The following PCDH17 variants were observed in gnomAD, a reference collection of about 807,000 sequenced individuals.
PCDH17 encodes protocadherin 17, also known as protocadherin-17.
In PCDH17, 21 loss-of-function variants were observed where a neutral mutation model predicts 67.7. The observed-to-expected ratio is 0.31, with a 90% CI of 0.22 to 0.45. The LOEUF (loss-of-function observed/expected upper bound fraction) is 0.45. PCDH17 is among the 20% of genes least tolerant of loss of function. The pLI is 1.00. For missense variants in PCDH17, 1,471 were observed against 1,564.8 expected, an observed-to-expected ratio of 0.94 and a Z score of 1.01; for synonymous variants, 701 against 656.7, an observed-to-expected ratio of 1.07 and a Z score of -1.03.
chr13:57,693,215 T>C (rs1265626991), intron 3 of PCDH17, among the ~76,000 whole-genome samples: 1 of 14 alleles, frequency 0.071, no homozygotes, highest in African/African-American at 0.25. Flanking sequence ...GACCAACATC[T>C]TTTTTTTTTC....
intron 3 of PCDH17, among the ~76,000 whole-genome samples, chr13:57,695,205 G>A (rs1294798188): frequency 6.6e-6 from 1 of 151,106 alleles, no homozygotes; most frequent in African/African-American, 2.4e-5. Flanking sequence ...TCTATTTATT[G>A]TAGTGTATCT....
At chr13:57,635,178 TG>T in intron 1 of PCDH17, 67 bp downstream of exon 1, 1 of 1,527,044 alleles carries the variant, frequency 6.5e-7, no homozygotes, top group Non-Finnish European at 8.9e-7. Flanking sequence ...CTGAAACCTT[TG>T]GAACAGGGCA....
intron 1 of PCDH17, among the ~76,000 whole-genome samples, chr13:57,635,983 C>T (rs1312112823): frequency 6.6e-6 from 1 of 152,104 alleles, no homozygotes; most frequent in Non-Finnish European, 1.5e-5. Flanking sequence ...AAAATGAATT[C>T]ATGATGCATT....
At chr13:57,678,583 A>G (rs899935665) in intron 3 of PCDH17, among the ~76,000 whole-genome samples, 3 of 151,636 alleles carry the variant, frequency 2.0e-5, no homozygotes, top group South Asian at 2.1e-4. Context: ...AATCTTTTCT[A>G]TAAAGTGCAG....
At chr13:57,651,084 G>T (rs1325826320) in intron 1 of PCDH17, among the ~76,000 whole-genome samples, 1 of 152,104 alleles carries the variant, frequency 6.6e-6, no homozygotes, top group Admixed American at 6.6e-5. Context: ...AAAAAGGATT[G>T]TGAACCTATA....
At chr13:57,658,702 A>G (rs1360701126) in intron 1 of PCDH17, among the ~76,000 whole-genome samples, 1 of 152,172 alleles carries the variant, frequency 6.6e-6, no homozygotes, top group East Asian at 1.9e-4. Flanking sequence ...AAAGGTCTCC[A>G]GTTTGGTAAA....
intron 3 of PCDH17, among the ~76,000 whole-genome samples, chr13:57,684,773 T>C (rs903430971): frequency 1.3e-5 from 2 of 152,000 alleles, no homozygotes; most frequent in Non-Finnish European, 2.9e-5. Context: ...GTTTTAGAAC[T>C]ATGGTGTTAT....
intron 3 of PCDH17, among the ~76,000 whole-genome samples, chr13:57,705,960 A>C (rs1259821077): frequency 6.6e-6 from 1 of 151,864 alleles, no homozygotes; most frequent in Non-Finnish European, 1.5e-5. Context: ...GGTTGCGGTG[A>C]GCCAAGATTG....
intron 1 of PCDH17, among the ~76,000 whole-genome samples, chr13:57,652,749 A>G (rs537402792): frequency 1.8e-4 from 27 of 152,332 alleles, no homozygotes; most frequent in Admixed American, 1.1e-3. Context: ...ACAGCCAGCT[A>G]GGAATACAGA....
At chr13:57,685,874 G>GCTCA (rs1955501271) in intron 3 of PCDH17, among the ~76,000 whole-genome samples, 1 of 151,806 alleles carries the variant, frequency 6.6e-6, no homozygotes, top group South Asian at 2.1e-4. Context: ...TCTCCTGAAG[G>GCTCA]CAGGAGTTCA....
rs146044128 is a variant in PCDH17 at position 57,679,879 on chromosome 13, G to T, written c.2797+13046G>T. On this transcript the variant is annotated intron_variant, in intron 3 of 3. Coordinates refer to ENST00000377918, the MANE Select transcript of PCDH17 (RefSeq NM_001040429.3). ...CTCTGTTAGAAAACAATAGACAATA[G>T]ATTACATCTTAAGTAAATATAAATC... 3.1e-4 allele frequency among the ~76,000 whole-genome samples: 47 copies of T among 151,454 alleles called. No homozygotes were observed. In the East Asian group the frequency reaches 9.0e-3, roughly 29 times the overall value.
At position 57,724,932 on chromosome 13, in the gene PCDH17, A is replaced by G; in HGVS notation, c.3118A>G (p.Thr1040Ala). 3 of 1,614,180 alleles carry G rather than the reference A, an allele frequency of 1.9e-6. No homozygotes were observed. The highest frequency in any genetic ancestry group is 2.5e-6 in the Non-Finnish European group (3 of 1,180,028). ...GGTCCCCTCAGCATCAAGCAGCCCA[A>G]CCAAGGCGTGCATCGAGCCTTGCAC... ...QEVPSASSSP[T>A]KACIEPCTST... is the part of the protein sequence containing the mutation. Residue 1040 changes from threonine to alanine, a missense_variant, in exon 4 of 4, where the codon ACC becomes GCC. Transcript: ENST00000377918.
intron 3 of PCDH17, among the ~76,000 whole-genome samples, chr13:57,696,375 C>T (rs1026876165): frequency 4.6e-5 from 7 of 150,948 alleles, no homozygotes; most frequent in Admixed American, 1.3e-4. Context: ...GTTTTAATTT[C>T]GTGTAAATTA....
At chr13:57,668,849 A>G (rs914783050) in intron 3 of PCDH17, among the ~76,000 whole-genome samples, 5 of 151,972 alleles carry the variant, frequency 3.3e-5, no homozygotes, top group Admixed American at 2.6e-4. Context: ...ATATATATAT[A>G]TTTTTATTAT....
At chr13:57,683,790 G>A (rs927519169) in intron 3 of PCDH17, among the ~76,000 whole-genome samples, 1 of 151,882 alleles carries the variant, frequency 6.6e-6, no homozygotes, top group Non-Finnish European at 1.5e-5. Context: ...AGATAGTAGT[G>A]GGCAGTTATT....
Position 57,725,986 on chromosome 13 carries a change from ATTT to A in PCDH17, c.*694_*696del, listed in dbSNP as rs1479386169. The A allele has an allele frequency of 6.6e-6, 1 of 152,486 alleles. No homozygotes were observed. The highest frequency in any genetic ancestry group is 2.4e-5 in the African/African-American group (1 of 41,470). 9.4% of individuals were successfully genotyped at this position (152,486 alleles called of 1,614,324 possible). On this transcript the variant is annotated 3_prime_UTR_variant, in exon 4 of 4. Coordinates refer to ENST00000377918, the MANE Select transcript of PCDH17 (RefSeq NM_001040429.3). The stretch of plus-strand genomic sequence containing the variant: ...AGTTAAATGTAAAAAGATACAGTCC[ATTT>A]TGTCCTGCACACACGTAGACTAATT...
At chr13:57,643,244 G>A (rs1159882040) in intron 1 of PCDH17, among the ~76,000 whole-genome samples, 1 of 151,336 alleles carries the variant, frequency 6.6e-6, no homozygotes, top group Admixed American at 6.6e-5. Context: ...TTTATCAGTA[G>A]ATAAAATGAA....
chr13:57,683,510 CTTAGG>C (rs1955477865), intron 3 of PCDH17, among the ~76,000 whole-genome samples: 1 of 151,770 alleles, frequency 6.6e-6, no homozygotes, highest in African/African-American at 2.4e-5. Flanking sequence ...GATAGAAAAA[CTTAGG>C]TTAGGTTTTG....
At chr13:57,693,603 A>G (rs928596042) in intron 3 of PCDH17, among the ~76,000 whole-genome samples, 4 of 150,380 alleles carry the variant, frequency 2.7e-5, no homozygotes, top group Non-Finnish European at 6.0e-5. Context: ...TTATTATTTC[A>G]AATATTATGA....
Sources: gnomAD v4.1 joint callset for allele counts (sites outside exome capture counted in the v4.1 genomes callset) on GRCh38, gnomAD v4.1.1 for gene constraint, MANE v1.5 for transcripts, NCBI Gene and HGNC (gene_info 2026-07-23, HGNC 2026-07-21) for gene names.